Variants in GRK5 observed in about 807,000 individuals in gnomAD.
GRK5 encodes G protein-coupled receptor kinase 5, also known as g protein-coupled receptor kinase GRK5.
A neutral mutation model predicts 78.4 loss-of-function variants in GRK5; 40 were observed. That is an observed-to-expected ratio of 0.51 (90% CI 0.40 to 0.66). GRK5 has a LOEUF of 0.66. GRK5 is among the 30% of genes least tolerant of loss of function. The probability of loss-of-function intolerance (pLI) is 0.00; values close to 1 mark genes in which losing one functional copy is unlikely to be tolerated. For missense variants in GRK5, 598 were observed against 759.9 expected, an observed-to-expected ratio of 0.79 and a Z score of 2.50; for synonymous variants, 289 against 296.8, an observed-to-expected ratio of 0.97 and a Z score of 0.27.
At chr10:119,368,091 A>G (rs778483686) in intron 2 of GRK5, among the ~76,000 whole-genome samples, 13 of 152,158 alleles carry the variant, frequency 8.5e-5, no homozygotes, top group Non-Finnish European at 1.6e-4. Flanking sequence ...GCTCCAGGGG[A>G]AGCCAGACCC....
At chr10:119,409,040 G>A (rs926825900) in intron 4 of GRK5, among the ~76,000 whole-genome samples, 4 of 152,308 alleles carry the variant, frequency 2.6e-5, no homozygotes, top group South Asian at 4.1e-4. Flanking sequence ...CAAGGCCGGG[G>A]AATGAGCAAG....
At chr10:119,344,049 G>A (rs1468086397) in intron 2 of GRK5, among the ~76,000 whole-genome samples, 4 of 152,130 alleles carry the variant, frequency 2.6e-5, no homozygotes, top group Non-Finnish European at 5.9e-5. Flanking sequence ...TGCAGTGTCA[G>A]GCCAGAGCAG....
intron 15 of GRK5, among the ~76,000 whole-genome samples, 176 bp downstream of exon 15, chr10:119,453,452 TGG>T (rs889132378): frequency 2.0e-5 from 3 of 152,188 alleles, no homozygotes; most frequent in African/African-American, 7.2e-5. Flanking sequence ...CGGCAGCTGA[TGG>T]GATCCCCGGG....
chr10:119,431,499 T>G lies in GRK5; in HGVS notation c.710T>G (p.Ile237Ser). Reference sequence around the variant, plus strand: ...TCCATGGCCCTCAATGAGAAGCAGATCCTCGAGAAGGTCAACAGTCAGTTT... The same window carrying G: ...TCCATGGCCCTCAATGAGAAGCAGAGCCTCGAGAAGGTCAACAGTCAGTTT... ...GESMALNEKQ[I>S]LEKVNSQFVV... Residue 237 changes from isoleucine (I) to serine (S), a missense_variant, in exon 8 of 16, where the codon ATC becomes AGC. Physicochemically the swap from Ile to Ser is moderately radical, Grantham distance 142. Coordinates refer to ENST00000392870, the MANE Select transcript of GRK5 (RefSeq NM_005308.3). This position sits in a 1 kb window ranked among gnomAD's most constrained non-coding sequence, Gnocchi z 4.8. The G allele has an allele frequency of 6.2e-7, 1 of 1,613,842 alleles. No individual in the cohort carries two copies. The highest frequency in any genetic ancestry group is 1.1e-5 in the South Asian group (1 of 91,036).
chr10:119,431,402 G>T lies in GRK5; in HGVS notation c.613G>T (p.Val205Phe). The change falls in exon 8 of 16, where the codon GTT (valine) becomes TTT (phenylalanine). Residue 205 changes from valine to phenylalanine, a missense_variant. Transcript: ENST00000392870. The surrounding 1 kb of genome is among the most constrained non-coding windows in gnomAD (Gnocchi z 4.8). ...TGCACTGCAGGTCTGTGCCTGCCAG[G>T]TTCGGGCCACGGGTAAAATGTATGC... ...GGFGEVCACQ[V>F]RATGKMYACK... 6.2e-7 allele frequency: 1 copy of T among 1,613,738 alleles called. No individual in the cohort carries two copies. The highest frequency in any genetic ancestry group is 8.5e-7 in the Non-Finnish European group (1 of 1,179,788).
chr10:119,329,561 T>C (rs1474660144), intron 2 of GRK5, among the ~76,000 whole-genome samples: 1 of 152,070 alleles, frequency 6.6e-6, no homozygotes, highest in Non-Finnish European at 1.5e-5. Context: ...AGAAGCCCCA[T>C]CTCTACTAGA....
intron 1 of GRK5, among the ~76,000 whole-genome samples, chr10:119,228,563 G>A (rs1012801435): frequency 6.6e-6 from 1 of 152,008 alleles, no homozygotes; most frequent in Non-Finnish European, 1.5e-5. Flanking sequence ...CAAGGCTGCA[G>A]TGAGCTGTGA....
At chr10:119,394,161 T>TGTGTCTGTGGGTGTGTGTG (rs1374554603) in intron 3 of GRK5, among the ~76,000 whole-genome samples, 2 of 72,672 alleles carry the variant, frequency 2.8e-5, no homozygotes, top group Non-Finnish European at 5.8e-5. Context: ...TGTCTGTGTG[T>TGTGTCTGTGGGTGTGTGTG]GGGTTTGAGT....
At chr10:119,324,546 TGAACCC>T (rs1365920846) in intron 1 of GRK5, among the ~76,000 whole-genome samples, 1 of 152,148 alleles carries the variant, frequency 6.6e-6, no homozygotes, top group African/African-American at 2.4e-5. Context: ...GAGGATCGCT[TGAACCC>T]GGGAGAGGCA....
chr10:119,304,284 C>CTTTTTT (rs59740732), intron 1 of GRK5, among the ~76,000 whole-genome samples: 18 of 75,044 alleles, frequency 2.4e-4, no homozygotes, highest in African/African-American at 3.5e-4. Context: ...GTGTGAGCTG[C>CTTTTTT]TTTTTTTTTT....
At chr10:119,216,544 C>T (rs1480525622) in intron 1 of GRK5, among the ~76,000 whole-genome samples, 1 of 152,218 alleles carries the variant, frequency 6.6e-6, no homozygotes, top group African/African-American at 2.4e-5. Context: ...TGCAGTGGCT[C>T]ACGCCTGTAA....
At chr10:119,439,108 C>T (rs1309541861) in intron 9 of GRK5, among the ~76,000 whole-genome samples, 1 of 152,230 alleles carries the variant, frequency 6.6e-6, no homozygotes, top group Non-Finnish European at 1.5e-5. Flanking sequence ...TGCTGGCTCT[C>T]CCCTCATCCT....
At chr10:119,369,055 C>T (rs753651125) in intron 2 of GRK5, among the ~76,000 whole-genome samples, 8 of 152,114 alleles carry the variant, frequency 5.3e-5, no homozygotes, top group Non-Finnish European at 8.8e-5. Context: ...CTGCCTGGGC[C>T]GGGCACTGAT....
chr10:119,318,841 C>A (rs1407912648), intron 1 of GRK5, among the ~76,000 whole-genome samples: 2 of 152,174 alleles, frequency 1.3e-5, no homozygotes, highest in African/African-American at 4.8e-5. Flanking sequence ...GCAAAGGCAA[C>A]AAGAATAACA....
At chr10:119,447,985 C>T in intron 12 of GRK5, 138 bp from the exon 13 acceptor site, 3 of 1,036,862 alleles carry the variant, frequency 2.9e-6, no homozygotes, top group Non-Finnish European at 4.0e-6. Flanking sequence ...GACTCAGAGG[C>T]AGCCCTGAAG....
chr10:119,314,011 A>T (rs917629167), intron 1 of GRK5, among the ~76,000 whole-genome samples: 11 of 152,168 alleles, frequency 7.2e-5, no homozygotes, highest in Non-Finnish European at 1.2e-4. Flanking sequence ...TCCAGCCAAG[A>T]CATTTCAGAC....
chr10:119,318,910 G>A (rs1850536629), intron 1 of GRK5, among the ~76,000 whole-genome samples: 1 of 152,060 alleles, frequency 6.6e-6, no homozygotes, highest in African/African-American at 2.4e-5. Flanking sequence ...TTTTTTGGGT[G>A]GAATGATACC....
chr10:119,266,086 C>A (rs1326889625), intron 1 of GRK5, among the ~76,000 whole-genome samples: 1 of 152,154 alleles, frequency 6.6e-6, no homozygotes, highest in East Asian at 1.9e-4. Context: ...GAGGTTGTGC[C>A]CATTGTCTTG....
intron 1 of GRK5, among the ~76,000 whole-genome samples, chr10:119,304,643 CCT>C (rs1166131542): frequency 6.6e-6 from 1 of 152,174 alleles, no homozygotes; most frequent in African/African-American, 2.4e-5. Flanking sequence ...CCCACAGGCC[CCT>C]GAGTCCCGAT....
Sources: allele counts gnomAD v4.1 joint callset (sites outside exome capture counted in the v4.1 genomes callset), GRCh38; gene constraint gnomAD v4.1.1; non-coding constraint Gnocchi (gnomAD v3.1); transcripts MANE v1.5; gene names NCBI Gene and HGNC (gene_info 2026-07-23, HGNC 2026-07-21).